The following RAVER2 variants were observed in gnomAD, a reference collection of about 807,000 sequenced individuals.
The protein encoded by RAVER2 is ribonucleoprotein PTB-binding 2.
Under a neutral mutation model 78.1 loss-of-function variants are expected in RAVER2, and 46 were observed. The ratio of observed to expected loss-of-function variants is 0.59; its 90% confidence interval spans 0.46 to 0.75. RAVER2 has a LOEUF of 0.75. Ranked by LOEUF, RAVER2 falls within the 30% of genes least tolerant of loss-of-function variation. The probability of loss-of-function intolerance (pLI) is 0.00; values close to 1 mark genes in which losing one functional copy is unlikely to be tolerated. For synonymous variants in RAVER2, 311 were observed against 313.3 expected (o/e 0.99, Z 0.08); for missense variants, 793 against 837.5 (o/e 0.95, Z 0.66).
chr1:64,772,109 C>A (rs74934663), intron 2 of RAVER2, among the ~76,000 whole-genome samples: 3,062 of 152,090 alleles, frequency 0.02, 117 homozygotes, highest in African/African-American at 0.07. Flanking sequence ...GTAATTAATC[C>A]CAAATTCCCT....
intron 4 of RAVER2, 107 bp downstream of exon 4, chr1:64,781,678 T>C: frequency 9.3e-7 from 1 of 1,077,828 alleles, no homozygotes; most frequent in Non-Finnish European, 1.3e-6. Context: ...TGCACCATCA[T>C]TGCATTTCCA....
chr1:64,794,334 C>T (rs1448673829), intron 5 of RAVER2, among the ~76,000 whole-genome samples: 6 of 145,110 alleles, frequency 4.1e-5, no homozygotes, highest in Non-Finnish European at 9.0e-5. Context: ...GGAGGCGGAG[C>T]TTGCAGTGAG....
intron 11 of RAVER2, among the ~76,000 whole-genome samples, chr1:64,817,164 C>G (rs943378118): frequency 6.6e-6 from 1 of 152,194 alleles, no homozygotes; most frequent in African/African-American, 2.4e-5. Context: ...TGCTCATCAT[C>G]ACTGGCCATC....
At chr1:64,765,510 A>C (rs1396601633) in intron 1 of RAVER2, among the ~76,000 whole-genome samples, 2 of 152,234 alleles carry the variant, frequency 1.3e-5, no homozygotes, top group Non-Finnish European at 1.5e-5. Flanking sequence ...ACAGAAGTTT[A>C]AAAATAGCAT....
At chr1:64,790,847 C>A (rs1017708383) in intron 5 of RAVER2, among the ~76,000 whole-genome samples, 1 of 152,182 alleles carries the variant, frequency 6.6e-6, no homozygotes, top group African/African-American at 2.4e-5. Context: ...AGCTCACCTA[C>A]TGCAATTCAA....
At chr1:64,759,381 C>T (rs1231686678) in intron 1 of RAVER2, among the ~76,000 whole-genome samples, 7 of 151,292 alleles carry the variant, frequency 4.6e-5, no homozygotes, top group Admixed American at 2.6e-4. Context: ...CCACCACGCC[C>T]GGCTAATTTT....
intron 1 of RAVER2, among the ~76,000 whole-genome samples, chr1:64,764,395 C>T (rs529531841): frequency 6.7e-6 from 1 of 149,494 alleles, no homozygotes; most frequent in Non-Finnish European, 1.5e-5. Context: ...AAAAACAGCA[C>T]ACAAAAATGA....
chr1:64,781,425 GA>G lies in RAVER2; in HGVS notation c.834del (p.Glu278AspfsTer18), dbSNP rs1206185548. 2 of 1,613,018 alleles carry G rather than the reference GA, an allele frequency of 1.2e-6. No homozygotes were observed. Among genetic ancestry groups the G allele is most frequent in the Non-Finnish European group, 1.7e-6 (2 of 1,179,638 alleles). ...TTACGTTGGTGGCTTTGCAGTGGTT[GA>G]ATATAGCACTGCGGAGCAGGCTGAA... On this transcript the variant is annotated frameshift_variant, in exon 4 of 12. Coordinates refer to ENST00000294428, the Ensembl canonical transcript of RAVER2. LOFTEE classifies it high-confidence loss of function.
chr1:64,790,515 C>A (rs1365758204), intron 5 of RAVER2, among the ~76,000 whole-genome samples: 1 of 152,168 alleles, frequency 6.6e-6, no homozygotes, highest in Non-Finnish European at 1.5e-5. Context: ...AGAGAAGCTG[C>A]AAAGTGCATC....
chr1:64,758,711 C>A (rs546256960), intron 1 of RAVER2, among the ~76,000 whole-genome samples: 1 of 152,192 alleles, frequency 6.6e-6, no homozygotes, highest in Admixed American at 6.5e-5. Flanking sequence ...GCCTAGCTTG[C>A]CTGACACCTT....
intron 11 of RAVER2, among the ~76,000 whole-genome samples, chr1:64,822,282 C>T (rs905606155): frequency 5.9e-5 from 9 of 152,076 alleles, no homozygotes; most frequent in Non-Finnish European, 7.4e-5. Context: ...AGCGAGACTC[C>T]GTCTCAAAAA....
chr1:64,776,788 T>C (rs1175263739), intron 2 of RAVER2, among the ~76,000 whole-genome samples: 3 of 152,208 alleles, frequency 2.0e-5, no homozygotes, highest in African/African-American at 4.8e-5. Context: ...AACAAATTGA[T>C]ATGGTTAAAA....
chr1:64,799,625 T>G (rs1653203195), intron 5 of RAVER2, among the ~76,000 whole-genome samples: 2 of 152,094 alleles, frequency 1.3e-5, no homozygotes, highest in South Asian at 4.1e-4. Flanking sequence ...TATTTTTTAG[T>G]AGAGACGGTT....
rs1194124319 is a variant in RAVER2, at chr1:64,799,296, T to A, written c.1106-3680T>A. On this transcript the variant is annotated intron_variant, in intron 5 of 11. Coordinates refer to ENST00000294428, the Ensembl canonical transcript of RAVER2. ...GCTGAATAGTATTCCATTGTGTATA[T>A]GTACCACATTTTCTTTATCCATTCA... Among the ~76,000 whole-genome samples, 5 of 152,258 alleles carry A rather than the reference T, an allele frequency of 3.3e-5. No individual in the cohort carries two copies. In the East Asian group the frequency reaches 9.6e-4, roughly 29 times the overall value.
chr1:64,824,932 CAAAAAAAAAAAAA>C (rs56179197), intron 11 of RAVER2, among the ~76,000 whole-genome samples: 4 of 79,418 alleles, frequency 5.0e-5, no homozygotes, highest in African/African-American at 7.8e-5. Context: ...CCCTGTCTCC[CAAAAAAAAAAAAA>C]AAAAAAAAAA....
intron 5 of RAVER2, among the ~76,000 whole-genome samples, chr1:64,790,990 T>C (rs1652923605): frequency 6.6e-6 from 1 of 152,176 alleles, no homozygotes; most frequent in Admixed American, 6.5e-5. Flanking sequence ...TCTGACCAAC[T>C]AACTACAAAT....
At chr1:64,805,780 A>G (rs982927959) in intron 8 of RAVER2, among the ~76,000 whole-genome samples, 2 of 152,178 alleles carry the variant, frequency 1.3e-5, no homozygotes, top group Non-Finnish European at 2.9e-5. Context: ...AGCTTACTTA[A>G]CCTTTTGTCC....
At chr1:64,749,301 C>T (rs917912852) in intron 1 of RAVER2, among the ~76,000 whole-genome samples, 3 of 152,322 alleles carry the variant, frequency 2.0e-5, no homozygotes, top group Admixed American at 2.0e-4. Flanking sequence ...ACCTCCACCT[C>T]CTGGGTTCAA....
At chr1:64,792,724 ATAC>A (rs1393009285) in intron 5 of RAVER2, among the ~76,000 whole-genome samples, 1 of 152,218 alleles carries the variant, frequency 6.6e-6, no homozygotes, top group Non-Finnish European at 1.5e-5. Flanking sequence ...ACTTGAGCAC[ATAC>A]ATAGCTGGAA....
Sources: gnomAD v4.1 joint callset for allele counts (sites outside exome capture counted in the v4.1 genomes callset) on GRCh38, gnomAD v4.1.1 for gene constraint, MANE v1.5 for transcripts, NCBI Gene and HGNC (gene_info 2026-07-23, HGNC 2026-07-21) for gene names.